Variants in TMEM114 observed in about 807,000 individuals in gnomAD.
TMEM114 encodes the protein transmembrane protein 114, also known as claudin-26.
Under a neutral mutation model 6.2 loss-of-function variants are expected in TMEM114, and 6 were observed. That is an observed-to-expected ratio of 0.97 (90% CI 0.53 to 1.91). The LOEUF is 1.91. TMEM114 is among the 40% of genes most tolerant of loss of function. The pLI is 0.01. For synonymous variants in TMEM114, 104 were observed against 73.0 expected, an observed-to-expected ratio of 1.42 and a Z score of -2.16; for missense variants, 218 against 158.3, an observed-to-expected ratio of 1.38 and a Z score of -2.02.
chr16:8,588,145 G>A lies in TMEM114; in HGVS notation c.301+1068C>T, dbSNP rs896147599. 1.2e-3 allele frequency among the ~76,000 whole-genome samples: 183 copies of A among 152,110 alleles called. 2 individuals are homozygous for A. The highest frequency in any genetic ancestry group is 4.0e-3 in the Admixed American group (61 of 15,284). ...TACTAGAAATATGAAAAATTAGCCC[G>A]ACGTGGAGGCAGGCACCTGTAGTTT... On this transcript the variant is annotated intron_variant, in intron 2 of 3. Coordinates refer to ENST00000620492, the MANE Select transcript of TMEM114 (RefSeq NM_001146336.2).
At position 8,588,478 on chromosome 16, in the gene TMEM114, T is replaced by C. The variant is rs1440773139; in HGVS notation, c.301+735A>G. On this transcript the variant is annotated intron_variant, in intron 2 of 3. Coordinates refer to ENST00000620492, the MANE Select transcript of TMEM114 (RefSeq NM_001146336.2). ...AAGACATAGATGAAAAGCAGTTCGC[T>C]CCACGTCTGGCTTATCTCAAGCCTC... Among the ~76,000 whole-genome samples the C allele has an allele frequency of 3.3e-5, 5 of 152,160 alleles. 1 individual carries two copies. Among genetic ancestry groups the C allele is most frequent in the Admixed American group, 3.3e-4 (5 of 15,274 alleles).
intron 2 of TMEM114, among the ~76,000 whole-genome samples, chr16:8,550,046 A>G (rs879539398): frequency 6.6e-6 from 1 of 152,222 alleles, no homozygotes; most frequent in African/African-American, 2.4e-5. Flanking sequence ...CCGAGAGTCC[A>G]AAAGCCAAAG....
At chr16:8,530,889 G>T in the TMEM114 span, among the ~76,000 whole-genome samples, 18,505 of 152,060 alleles carry the variant, frequency 0.12, 1,364 homozygotes, top group Middle Eastern at 0.22. Flanking sequence ...GCAGGGTGTG[G>T]TGGCATACGC....
intron 2 of TMEM114, among the ~76,000 whole-genome samples, chr16:8,546,629 C>T (rs13332728): frequency 0.3 from 45,275 of 152,008 alleles, 6,977 homozygotes; most frequent in East Asian, 0.37. Flanking sequence ...TAATAACTAA[C>T]AGCTTCCCTA....
At chr16:8,560,656 C>T (rs1006029492) in intron 2 of TMEM114, among the ~76,000 whole-genome samples, 1 of 152,138 alleles carries the variant, frequency 6.6e-6, no homozygotes, top group Non-Finnish European at 1.5e-5. Context: ...TCTACCAGAG[C>T]AAGTCTTCTC....
the TMEM114 span, chr16:8,531,782 T>C: frequency 3.2e-4 from 48 of 152,310 alleles, no homozygotes; most frequent in African/African-American, 1.0e-3. Flanking sequence ...GTCAACCGAA[T>C]AGTCCATGAG....
At chr16:8,575,509 G>A (rs148605621) in intron 2 of TMEM114, among the ~76,000 whole-genome samples, 4 of 152,116 alleles carry the variant, frequency 2.6e-5, no homozygotes, top group African/African-American at 9.7e-5. Flanking sequence ...GATAAACCAG[G>A]ACAACTGGTC....
chr16:8,562,666 TAGTGAGGGAATGAGTG>T (rs1398674760), intron 2 of TMEM114, among the ~76,000 whole-genome samples: 10 of 108,418 alleles, frequency 9.2e-5, no homozygotes, highest in African/African-American at 3.0e-4. Flanking sequence ...GTCAATGAAT[TAGTGAGGGAATGAGTG>T]AGTGAGGGAA....
chr16:8,546,212 C>T (rs1198051575), intron 2 of TMEM114, among the ~76,000 whole-genome samples: 1 of 152,122 alleles, frequency 6.6e-6, no homozygotes, highest in African/African-American at 2.4e-5. Context: ...TTACATGCAC[C>T]ACGATGTTTC....
At chr16:8,562,841 T>C (rs1395877782) in intron 2 of TMEM114, among the ~76,000 whole-genome samples, 1 of 149,604 alleles carries the variant, frequency 6.7e-6, no homozygotes, top group Non-Finnish European at 1.5e-5. Flanking sequence ...AATGAGTGAG[T>C]GAATAAGTGA....
chr16:8,564,568 A>AGTG (rs201728132), downstream of TMEM114, among the ~76,000 whole-genome samples: 14 of 147,930 alleles, frequency 9.5e-5, no homozygotes, highest in Non-Finnish European at 1.5e-4. Context: ...TGAGTGAGTG[A>AGTG]ATGAGTGAGT....
chr16:8,541,891 C>T (rs751978968), intron 2 of TMEM114, among the ~76,000 whole-genome samples: 30 of 152,194 alleles, frequency 2.0e-4, no homozygotes, highest in East Asian at 7.7e-4. Flanking sequence ...CTTACAAAGA[C>T]GTAGCACAGG....
At chr16:8,561,888 G>GTGAC (rs1901225346) in intron 2 of TMEM114, among the ~76,000 whole-genome samples, 1 of 142,546 alleles carries the variant, frequency 7.0e-6, no homozygotes, top group Non-Finnish European at 1.6e-5. Flanking sequence ...GAATGAGTGA[G>GTGAC]TGAATGAGTA....
rs1194844556 is a variant in TMEM114, at chr16:8,548,576, T to C, written n.213-10750A>G. On this transcript the variant is annotated intron_variant and non_coding_transcript_variant, in intron 2 of 2. Coordinates refer to the TMEM114 transcript ENST00000623677. ...TGACCTTTTGCAGGGCCACGAACCA[T>C]TGTAGTATCCTAGACCTTTTTCACC... Among the ~76,000 whole-genome samples, 6 of 152,200 alleles carry C rather than the reference T, an allele frequency of 3.9e-5. No homozygotes were observed. In the East Asian group the frequency reaches 7.7e-4, roughly 20 times the overall value.
chr16:8,536,905 T>C (rs530760793), downstream of TMEM114, among the ~76,000 whole-genome samples: 1 of 152,256 alleles, frequency 6.6e-6, no homozygotes, highest in East Asian at 1.9e-4. Context: ...ATCACACATT[T>C]TTACTTTTAT....
intron 2 of TMEM114, among the ~76,000 whole-genome samples, chr16:8,553,102 G>A (rs908724539): frequency 5.9e-5 from 9 of 152,290 alleles, no homozygotes; most frequent in Non-Finnish European, 1.0e-4. Context: ...TTTGCTTGGC[G>A]AAGAGGCCAG....
the TMEM114 span, among the ~76,000 whole-genome samples, chr16:8,528,271 CTCTT>C: frequency 6.6e-6 from 1 of 152,200 alleles, no homozygotes; most frequent in African/African-American, 2.4e-5. Context: ...CACGCACACA[CTCTT>C]TCTCTTTTGA....
chr16:8,566,903 T>TG (rs1901565483), downstream of TMEM114, among the ~76,000 whole-genome samples: 2 of 145,374 alleles, frequency 1.4e-5, no homozygotes, highest in Admixed American at 1.4e-4. Context: ...CCTGGTTTTT[T>TG]TTTTTTTTTT....
intron 2 of TMEM114, among the ~76,000 whole-genome samples, chr16:8,561,520 A>G (rs890652035): frequency 5.3e-5 from 8 of 152,244 alleles, no homozygotes; most frequent in Admixed American, 1.3e-4. Context: ...ACTTTTGTTC[A>G]CTGCTAAATC....
Sources: allele counts gnomAD v4.1 joint callset (sites outside exome capture counted in the v4.1 genomes callset), GRCh38; gene constraint gnomAD v4.1.1; transcripts MANE v1.5; gene names NCBI Gene and HGNC (gene_info 2026-07-23, HGNC 2026-07-21).